The following WDR93 variants were observed in gnomAD, a reference collection of about 807,000 sequenced individuals.
WDR93 encodes WD repeat domain 93.
Under a neutral mutation model 82.9 loss-of-function variants are expected in WDR93, and 73 were observed. The observed-to-expected ratio is 0.88, with a 90% CI of 0.73 to 1.07. The LOEUF is 1.07. Among genes scored for constraint, WDR93 ranks in the 50% least tolerant of loss-of-function variants. WDR93 has a pLI of 0.00. For missense variants in WDR93, 738 were observed against 826.0 expected (o/e 0.89, Z 1.31); for synonymous variants, 283 against 300.1 (o/e 0.94, Z 0.59).
At chr15:89,714,547 C>T (rs1268350625) in intron 5 of WDR93, among the ~76,000 whole-genome samples, 1 of 151,936 alleles carries the variant, frequency 6.6e-6, no homozygotes, top group African/African-American at 2.4e-5. Flanking sequence ...GCTGAGAACT[C>T]CTGACTGCAG....
upstream of WDR93, chr15:89,690,516 A>G: frequency 2.3e-6 from 3 of 1,280,968 alleles, no homozygotes; most frequent in South Asian, 1.3e-5. Flanking sequence ...GGTGCAGGGG[A>G]ATAGGCACGG....
chr15:89,722,864 A>T (rs1168250247), intron 8 of WDR93, among the ~76,000 whole-genome samples: 1 of 151,900 alleles, frequency 6.6e-6, no homozygotes, highest in East Asian at 1.9e-4. Flanking sequence ...AAAAAAAACC[A>T]GAAAAATGTT....
At chr15:89,728,284 C>A (rs1966816432) in intron 9 of WDR93, among the ~76,000 whole-genome samples, 1 of 152,104 alleles carries the variant, frequency 6.6e-6, no homozygotes, top group Non-Finnish European at 1.5e-5. Flanking sequence ...GAGCCCCAGT[C>A]TTTGAAGTAT....
At position 89,715,077 on chromosome 15, in the gene WDR93, A is replaced by G. The variant is rs978270145; in HGVS notation, c.738A>G (p.Lys246=). ...HPQLTSNPKK[K]VRQPQLNSLG... ...AACTCACTTCAAATCCAAAGAAAAA[A>G]GTCAGACAGCCGCAACTGGTAGGAA... Residue 246 remains lysine, a synonymous_variant, in exon 6 of 17, where the codon AAA becomes AAG. Coordinates refer to ENST00000268130, the MANE Select transcript of WDR93 (RefSeq NM_020212.2). The G allele has an allele frequency of 6.2e-7, 1 of 1,613,930 alleles. No homozygotes were observed. Among genetic ancestry groups the G allele is most frequent in the Non-Finnish European group, 8.5e-7 (1 of 1,179,942 alleles).
At position 89,716,980 on chromosome 15, in the gene WDR93, G is replaced by C. The variant is rs1374200159; in HGVS notation, c.795+31G>C. 3 of 1,342,868 alleles carry C rather than the reference G, an allele frequency of 2.2e-6. No homozygotes were observed. The South Asian group carries it at 4.9e-5, about 22-fold the overall frequency. The allele number at this position is 1,342,868 out of a possible 1,614,324, so 83.2% of individuals were successfully genotyped here. ...AAACTTTAAAGAAAATCTCCAGAGAGACTTAAGTTTGTATTTTAGAGATTT... is the reference window on the plus strand; with the variant it reads ...AAACTTTAAAGAAAATCTCCAGAGACACTTAAGTTTGTATTTTAGAGATTT... On this transcript the variant is annotated intron_variant, in intron 7 of 16. Coordinates refer to ENST00000268130, the MANE Select transcript of WDR93 (RefSeq NM_020212.2).
At chr15:89,696,450 T>C (rs1408045464) in intron 1 of WDR93, among the ~76,000 whole-genome samples, 1 of 151,204 alleles carries the variant, frequency 6.6e-6, no homozygotes, top group African/African-American at 2.4e-5. Flanking sequence ...TAAACATTTG[T>C]GTAGAGGTTT....
intron 4 of WDR93, among the ~76,000 whole-genome samples, chr15:89,706,089 C>T (rs546351995): frequency 6.6e-6 from 1 of 152,264 alleles, no homozygotes; most frequent in African/African-American, 2.4e-5. Context: ...GAGCTGATCT[C>T]TCCCTGCTTT....
chr15:89,720,507 G>A (rs186018109), intron 7 of WDR93, among the ~76,000 whole-genome samples: 30 of 152,148 alleles, frequency 2.0e-4, no homozygotes, highest in African/African-American at 6.7e-4. Context: ...TCCTGACCTC[G>A]TGATTCGCCC....
chr15:89,699,867 G>A (rs2141591015), intron 1 of WDR93, among the ~76,000 whole-genome samples: 1 of 152,208 alleles, frequency 6.6e-6, no homozygotes, highest in East Asian at 1.9e-4. Context: ...AGTTATAACT[G>A]TTTTGTCTGC....
chr15:89,731,468 T>TGC lies in WDR93; in HGVS notation c.1239_1240dup (p.Pro414ArgfsTer52), dbSNP rs755875955. ...ACCCCGAGGGTGTGTGGCCCTGTGCTGCGCCCATTGCAGTCTCTCAGCTCA... is the reference window on the plus strand; with the variant it reads ...ACCCCGAGGGTGTGTGGCCCTGTGCTGCGCGCCCATTGCAGTCTCTCAGCTCA... On this transcript the variant is annotated frameshift_variant, in exon 12 of 17. Transcript: ENST00000268130. LOFTEE classifies it high-confidence loss of function. 6.2e-7 allele frequency: 1 copy of TGC among 1,614,212 alleles called. No homozygotes were observed. The highest frequency in any genetic ancestry group is 1.1e-5 in the South Asian group (1 of 91,086).
chr15:89,712,974 A>G (rs542051656), intron 5 of WDR93, among the ~76,000 whole-genome samples: 2 of 152,100 alleles, frequency 1.3e-5, no homozygotes, highest in South Asian at 2.1e-4. Context: ...AAATACAACA[A>G]TTAGCCAGAC....
chr15:89,722,450 T>C (rs1567117728), intron 8 of WDR93, among the ~76,000 whole-genome samples: 1 of 152,368 alleles, frequency 6.6e-6, no homozygotes, highest in South Asian at 2.1e-4. Context: ...CTAGTTGTAA[T>C]ACATTCATTC....
intron 1 of WDR93, among the ~76,000 whole-genome samples, chr15:89,695,484 G>C (rs908174143): frequency 2.6e-5 from 4 of 152,110 alleles, no homozygotes; most frequent in African/African-American, 9.7e-5. Context: ...ACAGGTGCAA[G>C]CCACCTTGCC....
chr15:89,704,233 AAGG>A (rs1965622557), intron 3 of WDR93: 1 of 151,790 alleles, frequency 6.6e-6, no homozygotes, highest in African/African-American at 2.4e-5. Context: ...GAGGCTGAGG[AAGG>A]AGAATTGCTT....
At chr15:89,737,905 C>T (rs1033317891) in intron 15 of WDR93, 136 bp from the exon 16 acceptor site, 3 of 1,318,766 alleles carry the variant, frequency 2.3e-6, no homozygotes, top group African/African-American at 1.5e-5. Context: ...GCAGGGTCTT[C>T]TCTCTGAAGT....
At chr15:89,723,665 T>C (rs1268265192) in intron 8 of WDR93, among the ~76,000 whole-genome samples, 1 of 152,080 alleles carries the variant, frequency 6.6e-6, no homozygotes, top group Non-Finnish European at 1.5e-5. Context: ...AATAGGTGAA[T>C]GAAGCAGGAT....
At chr15:89,697,503 T>C (rs1176079676) in intron 1 of WDR93, among the ~76,000 whole-genome samples, 1 of 152,192 alleles carries the variant, frequency 6.6e-6, no homozygotes, top group Non-Finnish European at 1.5e-5. Context: ...AGAACATACT[T>C]TGTATTATTT....
intron 1 of WDR93, 59 bp from the exon 2 acceptor site, chr15:89,701,648 G>A: frequency 1.4e-6 from 2 of 1,398,062 alleles, no homozygotes; most frequent in East Asian, 2.3e-5. Flanking sequence ...AAAGGATGAT[G>A]TGCTATCTTC....
rs114681264 is a variant in WDR93 at position 89,717,220 on chromosome 15, C to G, written c.795+271C>G. Among the ~76,000 whole-genome samples, 130 of 151,562 alleles carry G rather than the reference C, an allele frequency of 8.6e-4. 1 individual carries two copies. The South Asian group carries it at 0.018, about 21-fold the overall frequency. ...GATTATAGGCATGCACTACCACGCC[C>G]GGCTAATATTGTATTTTTAGTAGAG... is the stretch of plus-strand genomic sequence containing the variant. On this transcript the variant is annotated intron_variant, in intron 7 of 16. Coordinates refer to ENST00000268130, the MANE Select transcript of WDR93 (RefSeq NM_020212.2).
Sources: gnomAD v4.1 joint callset for allele counts (sites outside exome capture counted in the v4.1 genomes callset) on GRCh38, gnomAD v4.1.1 for gene constraint, MANE v1.5 for transcripts, NCBI Gene and HGNC (gene_info 2026-07-23, HGNC 2026-07-21) for gene names.